ARHGAP19: variants seen among roughly 807,000 people sequenced by gnomAD.
The protein encoded by ARHGAP19 is rho GTPase-activating protein 19.
Under a neutral mutation model 60.9 loss-of-function variants are expected in ARHGAP19, and 48 were observed. That is an observed-to-expected ratio of 0.79 (90% CI 0.62 to 1.00). The LOEUF is 1.00. Ranked by LOEUF, ARHGAP19 falls within the 50% of genes least tolerant of loss-of-function variation. The probability of loss-of-function intolerance (pLI) is 0.00; values close to 1 mark genes in which losing one functional copy is unlikely to be tolerated. For missense variants in ARHGAP19, 562 were observed against 597.2 expected (o/e 0.94, Z 0.61); for synonymous variants, 209 against 215.5 (o/e 0.97, Z 0.27).
intron 1 of ARHGAP19, among the ~76,000 whole-genome samples, chr10:97,272,181 A>C (rs1842968488): frequency 7.3e-6 from 1 of 137,278 alleles, no homozygotes; most frequent in South Asian, 2.2e-4. Context: ...TGTCACCCGA[A>C]CTGGAGTGCA....
At chr10:97,292,489 C>G (rs1589386467) in intron 1 of ARHGAP19, 83 bp downstream of exon 1, 2 of 1,507,200 alleles carry the variant, frequency 1.3e-6, no homozygotes, top group Admixed American at 1.7e-5. Flanking sequence ...CCGAACCGTG[C>G]GCCTCCGTGA....
rs552627794 is a variant in ARHGAP19 at position 97,289,462 on chromosome 10, T to A, written c.56+3110A>T. On this transcript the variant is annotated intron_variant, in intron 1 of 11. Transcript: ENST00000358531. ...TTGATGAAATGGTTTCAGGTTCAGGTACGATTATGTGAATACCTACTGATC... is the reference window on the plus strand; with the variant it reads ...TTGATGAAATGGTTTCAGGTTCAGGAACGATTATGTGAATACCTACTGATC... Among the ~76,000 whole-genome samples, 24 of 152,162 alleles carry A rather than the reference T, an allele frequency of 1.6e-4. No homozygotes were observed. The South Asian group carries it at 5.0e-3, about 32-fold the overall frequency.
intron 4 of ARHGAP19, among the ~76,000 whole-genome samples, chr10:97,260,613 A>G (rs539463500): frequency 4.0e-4 from 61 of 152,294 alleles, no homozygotes; most frequent in African/African-American, 1.3e-3. Flanking sequence ...TACAATGGCT[A>G]TAACTACAAA....
chr10:97,256,731 T>TC (rs1308765911), intron 5 of ARHGAP19, among the ~76,000 whole-genome samples: 4 of 152,132 alleles, frequency 2.6e-5, no homozygotes, highest in African/African-American at 9.7e-5. Context: ...GTTCCAGCTA[T>TC]CAAGGACACC....
chr10:97,229,297 TG>T, intron 10 of ARHGAP19, 72 bp from the exon 11 acceptor site: 3 of 1,228,794 alleles, frequency 2.4e-6, no homozygotes, highest in Non-Finnish European at 3.6e-6. Flanking sequence ...TACTAACAAA[TG>T]AATTATTTGT....
At chr10:97,246,241 G>C (rs780772804) in intron 7 of ARHGAP19, 31 bp downstream of exon 7, 30 of 1,577,110 alleles carry the variant, frequency 1.9e-5, no homozygotes, top group Middle Eastern at 3.3e-4. Flanking sequence ...TGCTCTCCTT[G>C]TTTGGGTTAA....
chr10:97,228,150 G>A (rs2134801031), intron 11 of ARHGAP19, among the ~76,000 whole-genome samples: 1 of 152,338 alleles, frequency 6.6e-6, no homozygotes, highest in Non-Finnish European at 1.5e-5. Context: ...TCAAGGATAA[G>A]TAAGAAGAAT....
rs187467188 is a variant in ARHGAP19 at position 97,256,849 on chromosome 10, T to C, written c.841-445A>G. On this transcript the variant is annotated intron_variant, in intron 5 of 11. Transcript: ENST00000358531. ...AAAAACACAGTAAAATTACCGGGCG[T>C]GGTGGCTCATGCCTGTAATCCCAGC... Among the ~76,000 whole-genome samples, 73 of 152,238 alleles carry C rather than the reference T, an allele frequency of 4.8e-4. No homozygotes were observed. The East Asian group carries it at 7.1e-3, about 15-fold the overall frequency.
At chr10:97,270,325 T>G (rs1842946028) in intron 1 of ARHGAP19, among the ~76,000 whole-genome samples, 1 of 152,154 alleles carries the variant, frequency 6.6e-6, no homozygotes, top group Non-Finnish European at 1.5e-5. Flanking sequence ...TGGAAATAGT[T>G]AAAAGAGAAA....
chr10:97,286,065 T>C (rs1843151276), intron 1 of ARHGAP19, among the ~76,000 whole-genome samples: 2 of 152,160 alleles, frequency 1.3e-5, no homozygotes, highest in South Asian at 4.1e-4. Flanking sequence ...ACCTGATCAT[T>C]GATAAAATGT....
chr10:97,233,309 C>A (rs1851060552), intron 9 of ARHGAP19, among the ~76,000 whole-genome samples: 1 of 151,846 alleles, frequency 6.6e-6, no homozygotes, highest in African/African-American at 2.4e-5. Context: ...CATGATGGTG[C>A]CACTTGTACT....
At position 97,292,579 on chromosome 10, in the gene ARHGAP19, C is replaced by G. The variant is rs370213712; in HGVS notation, c.49G>C (p.Gly17Arg). 6.8e-6 allele frequency: 11 copies of G among 1,614,076 alleles called. No homozygotes were observed. The Admixed American group carries it at 1.0e-4, about 15-fold the overall frequency. Reference protein sequence around the residue: ...SEGEVPARESGRSDAICSFVI... With the variant: ...SEGEVPARESRRSDAICSFVI... ...GGACCAAACTCAGCTCACCTCCGGC[C>G]GGATTCGCGGGCTGGCACCTCCCCT... Residue 17 changes from glycine to arginine, a missense_variant, in exon 1 of 12, where the codon GGC becomes CGC. Coordinates refer to ENST00000358531, the MANE Select transcript of ARHGAP19 (RefSeq NM_032900.6).
intron 6 of ARHGAP19, among the ~76,000 whole-genome samples, chr10:97,251,588 A>G (rs1842670960): frequency 2.4e-3 from 1 of 422 alleles, no homozygotes; most frequent in Non-Finnish European, 5.7e-3. Context: ...AGGGGAAAGG[A>G]AGGAAGGGGA....
intron 9 of ARHGAP19, among the ~76,000 whole-genome samples, chr10:97,234,420 A>T (rs1475782107): frequency 7.2e-6 from 1 of 138,750 alleles, no homozygotes; most frequent in Non-Finnish European, 1.7e-5. Context: ...AAAATTAAAA[A>T]AAAAAAAAAA....
chr10:97,242,617 A>G (rs1842506538), intron 8 of ARHGAP19, among the ~76,000 whole-genome samples: 1 of 151,984 alleles, frequency 6.6e-6, no homozygotes, highest in African/African-American at 2.4e-5. Flanking sequence ...GGTTCAAGCA[A>G]TTCTCCTGCC....
intron 10 of ARHGAP19, 50 bp from the exon 11 acceptor site, chr10:97,229,275 A>G (rs1366247470): frequency 7.2e-7 from 1 of 1,391,266 alleles, no homozygotes; most frequent in Non-Finnish European, 1.0e-6. Flanking sequence ...TGCCATTCCT[A>G]TAGACAGACT....
chr10:97,292,308 G>T (rs1843246922), intron 1 of ARHGAP19, among the ~76,000 whole-genome samples: 1 of 152,210 alleles, frequency 6.6e-6, no homozygotes, highest in Non-Finnish European at 1.5e-5. Flanking sequence ...AGCGATCAGC[G>T]CTGCCACCCC....
chr10:97,260,661 A>G lies in ARHGAP19; in HGVS notation c.614-1033T>C, dbSNP rs12253063. Among the ~76,000 whole-genome samples, 227 of 152,330 alleles carry G rather than the reference A, an allele frequency of 1.5e-3. 1 individual carries two copies. Among genetic ancestry groups the G allele is most frequent in the Middle Eastern group, 6.8e-3 (2 of 294 alleles). On this transcript the variant is annotated intron_variant, in intron 4 of 11. Coordinates refer to ENST00000358531, the MANE Select transcript of ARHGAP19 (RefSeq NM_032900.6). ...AAAAAATGTTGGCAAAGATGCAGAGAAAATTAAACCCTCCTATATTGCTGG... is the reference window on the plus strand; with the variant it reads ...AAAAAATGTTGGCAAAGATGCAGAGGAAATTAAACCCTCCTATATTGCTGG...
intron 1 of ARHGAP19, among the ~76,000 whole-genome samples, chr10:97,269,642 T>C (rs1472978527): frequency 2.0e-5 from 3 of 152,164 alleles, no homozygotes; most frequent in Non-Finnish European, 4.4e-5. Flanking sequence ...GAGAAATTAC[T>C]ACCCTATCAG....
Sources: allele counts gnomAD v4.1 joint callset (sites outside exome capture counted in the v4.1 genomes callset), GRCh38; gene constraint gnomAD v4.1.1; transcripts MANE v1.5; gene names NCBI Gene and HGNC (gene_info 2026-07-23, HGNC 2026-07-21).